Variants in ZDHHC14 observed in about 807,000 individuals in gnomAD.
The protein encoded by ZDHHC14 is zDHHC palmitoyltransferase 14, also known as palmitoyltransferase ZDHHC14.
In ZDHHC14, 16 loss-of-function variants were observed where a neutral mutation model predicts 47.7. The observed-to-expected ratio is 0.34, with a 90% confidence interval of 0.23 to 0.51. The LOEUF (loss-of-function observed/expected upper bound fraction) is 0.51. Among genes scored for constraint, ZDHHC14 ranks in the 20% least tolerant of loss-of-function variants. The probability of loss-of-function intolerance (pLI) is 0.97; values close to 1 mark genes in which losing one functional copy is unlikely to be tolerated. For missense variants in ZDHHC14, 515 were observed against 662.5 expected (o/e 0.78, Z 2.44); for synonymous variants, 293 against 278.9 (o/e 1.05, Z -0.50).
chr6:157,626,432 T>C (rs1785420091), intron 3 of ZDHHC14, among the ~76,000 whole-genome samples: 1 of 152,216 alleles, frequency 6.6e-6, no homozygotes. Flanking sequence ...GACACATAGA[T>C]AGATTTCTCA....
intron 7 of ZDHHC14, among the ~76,000 whole-genome samples, chr6:157,650,365 G>A (rs369828213): frequency 1.3e-5 from 2 of 152,102 alleles, no homozygotes; most frequent in African/African-American, 2.4e-5. Context: ...GGAGTGGGGG[G>A]CGAAGGGAGC....
chr6:157,496,064 A>G (rs1019340623), intron 1 of ZDHHC14, among the ~76,000 whole-genome samples: 1 of 152,104 alleles, frequency 6.6e-6, no homozygotes, highest in Non-Finnish European at 1.5e-5. Flanking sequence ...CTTTACATAC[A>G]TTGTACCCAA....
At chr6:157,664,746 T>C (rs546112447) in intron 8 of ZDHHC14, among the ~76,000 whole-genome samples, 10 of 152,306 alleles carry the variant, frequency 6.6e-5, no homozygotes, top group Admixed American at 2.0e-4. Context: ...ATGCACTACT[T>C]TTCTCAACCT....
chr6:157,566,591 A>T (rs1782910977), intron 2 of ZDHHC14, among the ~76,000 whole-genome samples: 1 of 152,136 alleles, frequency 6.6e-6, no homozygotes, highest in Admixed American at 6.6e-5. Flanking sequence ...GGTCCGAATG[A>T]CACTCTGGCG....
Position 157,675,642 on chromosome 6 carries a change from C to A in ZDHHC14, c.*2520C>A, listed in dbSNP as rs923816067. 2 of 152,200 alleles carry A rather than the reference C, an allele frequency of 1.3e-5. No homozygotes were observed. The highest frequency in any genetic ancestry group is 2.9e-5 in the Non-Finnish European group (2 of 68,044). The allele number at this position is 152,200 out of a possible 1,614,324, so 9.4% of individuals were successfully genotyped here. On this transcript the variant is annotated 3_prime_UTR_variant, in exon 9 of 9. Coordinates refer to ENST00000359775, the MANE Select transcript of ZDHHC14 (RefSeq NM_024630.3). ...AGCATCAGAGGAATGAGCGATGATGCCCCCTGGGGCGCCCACTTCTGTTTG... is the reference window on the plus strand; with the variant it reads ...AGCATCAGAGGAATGAGCGATGATGACCCCTGGGGCGCCCACTTCTGTTTG...
chr6:157,440,162 T>TTAATAATAATAATAATAATAA (rs199803371), intron 1 of ZDHHC14, among the ~76,000 whole-genome samples: 8 of 147,978 alleles, frequency 5.4e-5, no homozygotes, highest in African/African-American at 2.0e-4. Context: ...CCCTGGAACT[T>TTAATAATAATAATAATAATAA]TAATAATAAT....
intron 8 of ZDHHC14, among the ~76,000 whole-genome samples, chr6:157,659,328 A>G (rs1198603983): frequency 6.6e-6 from 1 of 152,076 alleles, no homozygotes; most frequent in Non-Finnish European, 1.5e-5. Flanking sequence ...AGACCTGGGA[A>G]CCTCTAGCAG....
At chr6:157,613,232 A>C (rs1784822809) in intron 3 of ZDHHC14, among the ~76,000 whole-genome samples, 1 of 152,234 alleles carries the variant, frequency 6.6e-6, no homozygotes, top group South Asian at 2.1e-4. Flanking sequence ...TTTGTGTTTT[A>C]CAGCAACTCA....
intron 1 of ZDHHC14, among the ~76,000 whole-genome samples, chr6:157,415,020 T>G (rs1361921823): frequency 1.3e-5 from 2 of 152,082 alleles, no homozygotes; most frequent in Non-Finnish European, 2.9e-5. Context: ...TTCAAGGACT[T>G]AATGGACCAC....
intron 1 of ZDHHC14, among the ~76,000 whole-genome samples, chr6:157,482,024 CT>C (rs975486026): frequency 7.5e-4 from 114 of 151,722 alleles, no homozygotes; most frequent in African/African-American, 2.6e-3. Flanking sequence ...GCAAGGCAAA[CT>C]TTTTTTTTCA....
intron 8 of ZDHHC14, among the ~76,000 whole-genome samples, chr6:157,668,522 T>TA (rs34696696): frequency 0.17 from 21,056 of 123,686 alleles, 1,797 homozygotes; most frequent in South Asian, 0.26. Flanking sequence ...CCATCTCCAC[T>TA]AAAAAAAAAA....
At chr6:157,435,689 G>A (rs2114786053) in intron 1 of ZDHHC14, among the ~76,000 whole-genome samples, 1 of 152,162 alleles carries the variant, frequency 6.6e-6, no homozygotes, top group East Asian at 1.9e-4. Context: ...ACAAGTGTGT[G>A]CCCCCATGCC....
At chr6:157,611,051 G>A (rs1314572651) in intron 3 of ZDHHC14, among the ~76,000 whole-genome samples, 1 of 152,192 alleles carries the variant, frequency 6.6e-6, no homozygotes, top group African/African-American at 2.4e-5. Context: ...ACAGGGTCCT[G>A]CTCTGTCTGC....
chr6:157,511,619 C>T (rs1178779492), intron 1 of ZDHHC14, among the ~76,000 whole-genome samples: 1 of 146,632 alleles, frequency 6.8e-6, no homozygotes, highest in Non-Finnish European at 1.5e-5. Context: ...GTCTCGAACT[C>T]TCAACCTCAG....
intron 3 of ZDHHC14, among the ~76,000 whole-genome samples, chr6:157,608,036 T>C (rs1022764349): frequency 1.3e-5 from 2 of 152,206 alleles, no homozygotes; most frequent in African/African-American, 4.8e-5. Context: ...TGCCTGAAAA[T>C]CCACTGCTTA....
intron 3 of ZDHHC14, among the ~76,000 whole-genome samples, chr6:157,606,707 C>T (rs1315678672): frequency 1.3e-5 from 2 of 152,188 alleles, no homozygotes; most frequent in Admixed American, 6.5e-5. Flanking sequence ...ACCCCGTCAC[C>T]TCCCAGGGCA....
At chr6:157,480,583 T>C (rs1779602879) in intron 1 of ZDHHC14, among the ~76,000 whole-genome samples, 1 of 152,214 alleles carries the variant, frequency 6.6e-6, no homozygotes, top group African/African-American at 2.4e-5. Context: ...AGGCTTTTGA[T>C]GGATTTAAAT....
At chr6:157,511,193 G>A (rs1780463777) in intron 1 of ZDHHC14, among the ~76,000 whole-genome samples, 1 of 152,156 alleles carries the variant, frequency 6.6e-6, no homozygotes, top group South Asian at 2.1e-4. Context: ...ATTTCCTCTT[G>A]GCTGGCGGGC....
At chr6:157,411,752 T>TA (rs10719123) in intron 1 of ZDHHC14, among the ~76,000 whole-genome samples, 4,599 of 139,470 alleles carry the variant, frequency 0.033, 242 homozygotes, top group African/African-American at 0.11. Context: ...ATGTTCATGG[T>TA]AAAAAAAAAA....
Sources: allele counts gnomAD v4.1 joint callset (sites outside exome capture counted in the v4.1 genomes callset), GRCh38; gene constraint gnomAD v4.1.1; transcripts MANE v1.5; gene names NCBI Gene and HGNC (gene_info 2026-07-23, HGNC 2026-07-21).